The following ZNF16 variants were observed in gnomAD, a reference collection of about 807,000 sequenced individuals.
The protein encoded by ZNF16 is zinc finger protein KOX9.
A neutral mutation model predicts 9.0 loss-of-function variants in ZNF16; 7 were observed. The observed-to-expected ratio is 0.78, with a 90% CI of 0.44 to 1.47. The LOEUF is 1.47. ZNF16 is among the 40% of genes most tolerant of loss of function. The pLI is 0.01. For missense variants in ZNF16, 830 were observed against 854.2 expected, an observed-to-expected ratio of 0.97 and a Z score of 0.35; for synonymous variants, 312 against 301.5, an observed-to-expected ratio of 1.03 and a Z score of -0.36.
chr8:144,936,537 C>T (rs918677397), intron 2 of ZNF16, among the ~76,000 whole-genome samples: 3 of 152,158 alleles, frequency 2.0e-5, no homozygotes, highest in Non-Finnish European at 4.4e-5. Context: ...AGTTTCTCCA[C>T]ATCCTCTTTT....
chr8:144,947,148 TCTGTGGGCCTGTACCCTG>T (rs1833975640), intron 1 of ZNF16, among the ~76,000 whole-genome samples: 4 of 119,316 alleles, frequency 3.4e-5, no homozygotes, highest in Admixed American at 8.1e-5. Flanking sequence ...GCCATACCCT[TCTGTGGGCCTGTACCCTG>T]CTGTGGGCCT....
chr8:144,936,732 T>C (rs1470125629), intron 2 of ZNF16, among the ~76,000 whole-genome samples: 5 of 152,054 alleles, frequency 3.3e-5, no homozygotes, highest in Non-Finnish European at 7.4e-5. Flanking sequence ...TATTTATTTA[T>C]TTATTTATTT....
chr8:144,937,636 T>A (rs987338638), intron 2 of ZNF16, among the ~76,000 whole-genome samples: 6 of 152,174 alleles, frequency 3.9e-5, no homozygotes, highest in Non-Finnish European at 8.8e-5. Flanking sequence ...AGCTTGTTGA[T>A]CTATTTGGAG....
chr8:144,939,767 T>C (rs1833760312), intron 2 of ZNF16, among the ~76,000 whole-genome samples: 1 of 152,250 alleles, frequency 6.6e-6, no homozygotes, highest in Non-Finnish European at 1.5e-5. Flanking sequence ...TCATCTGGGT[T>C]ATCTAATTTG....
chr8:144,938,952 T>C (rs1833742314), intron 2 of ZNF16, among the ~76,000 whole-genome samples: 2 of 151,870 alleles, frequency 1.3e-5, no homozygotes, highest in Non-Finnish European at 2.9e-5. Flanking sequence ...ACTGTGAAAG[T>C]GTTAGATTTT....
At chr8:144,935,751 C>A (rs1034911897) in intron 2 of ZNF16, among the ~76,000 whole-genome samples, 1 of 152,178 alleles carries the variant, frequency 6.6e-6, no homozygotes, top group South Asian at 2.1e-4. Context: ...AAGTCATAAA[C>A]CATGCTTGTG....
chr8:144,941,976 ATTT>A (rs1000299480), intron 2 of ZNF16, among the ~76,000 whole-genome samples: 6 of 92,032 alleles, frequency 6.5e-5, no homozygotes, highest in Admixed American at 2.5e-4. Flanking sequence ...CATTTTTAAG[ATTT>A]TTTTTTTTTT....
At position 144,946,165 on chromosome 8, in the gene ZNF16, C is replaced by G; in HGVS notation, c.42G>C (p.Glu14Asp). 1 of 1,552,544 alleles carries G rather than the reference C, an allele frequency of 6.4e-7. No homozygotes were observed. Among genetic ancestry groups the G allele is most frequent in the Non-Finnish European group, 8.7e-7 (1 of 1,143,212 alleles). ...LRTRREEAEMELSVPGPSPWT... is the reference protein window; with the variant it reads ...LRTRREEAEMDLSVPGPSPWT... ...AGGGGGATGGTCCTGGAACTGAGAG[C>G]TCCATCTCTGCCTCCTCACGGCGAG... The change falls in exon 2 of 3, where the codon GAG becomes GAC. Residue 14 changes from glutamate (E) to aspartate (D), a missense_variant. By Grantham distance (45) the Glu-to-Asp change is conservative. Coordinates refer to ENST00000394909, the MANE Select transcript of ZNF16 (RefSeq NM_006958.3).
At position 144,930,757 on chromosome 8, in the gene ZNF16, A is replaced by C. The variant is rs1283696372; in HGVS notation, c.2030T>G (p.Leu677Trp). ...SQRSKLIKHQ[L>W]IHTRE is the part of the protein sequence containing the mutation. ...AACAGCCTATTCCCTGGTGTGAATCAACTGGTGTTTGATCAACTTTGATCG... is the reference window on the plus strand; with the variant it reads ...AACAGCCTATTCCCTGGTGTGAATCCACTGGTGTTTGATCAACTTTGATCG... The change falls in exon 3 of 3, where the codon TTG (leucine) becomes TGG (tryptophan). Residue 677 changes from leucine to tryptophan, a missense_variant. Coordinates refer to ENST00000394909, the MANE Select transcript of ZNF16 (RefSeq NM_006958.3). 1 of 1,530,332 alleles carries C rather than the reference A, an allele frequency of 6.5e-7. No individual in the cohort carries two copies. The highest frequency in any genetic ancestry group is 8.8e-7 in the Non-Finnish European group (1 of 1,141,494). 94.8% of individuals were successfully genotyped at this position (1,530,332 alleles called of 1,614,324 possible). A position where few individuals can be genotyped will look rare whatever the true frequency, so the allele number is the denominator to read the frequency against.
chr8:144,950,196 T>C (rs1419105681), intron 1 of ZNF16, among the ~76,000 whole-genome samples: 93 of 149,924 alleles, frequency 6.2e-4, no homozygotes, highest in Admixed American at 6.1e-3. Context: ...TCACATGCTT[T>C]TTTTTGCTGA....
intron 1 of ZNF16, among the ~76,000 whole-genome samples, chr8:144,946,890 G>A (rs1239575889): frequency 7.7e-6 from 1 of 130,052 alleles, no homozygotes; most frequent in African/African-American, 3.3e-5. Flanking sequence ...TGGGGCCTGT[G>A]TCCTGCTGTG....
rs139626568 is a variant in ZNF16, at chr8:144,931,278, G to A, written c.1509C>T (p.Ala503=). 7 of 1,614,124 alleles carry A rather than the reference G, an allele frequency of 4.3e-6. No individual in the cohort carries two copies. The African/African-American group carries it at 8.0e-5, about 18-fold the overall frequency. The part of the protein sequence containing the change: ...VCGKAFSHSS[A]LIQHQGVHTG... ...TGTGCACGCCCTGGTGCTGAATGAG[G>A]GCTGAGCTGTGGCTGAAGGCCTTCC... Residue 503 remains alanine (A), a synonymous_variant, in exon 3 of 3, where the codon GCC becomes GCT. Transcript: ENST00000394909.
At chr8:144,947,514 C>T (rs1278086227) in intron 1 of ZNF16, among the ~76,000 whole-genome samples, 3 of 152,156 alleles carry the variant, frequency 2.0e-5, no homozygotes, top group Admixed American at 2.0e-4. Flanking sequence ...GGGTGAACAG[C>T]CAGGGGCAGC....
chr8:144,947,285 GGCC>G (rs1833984411), intron 1 of ZNF16, among the ~76,000 whole-genome samples: 1 of 4,898 alleles, frequency 2.0e-4, no homozygotes, highest in East Asian at 9.4e-3. Flanking sequence ...CCTGCTGTGG[GGCC>G]TGTACCCTGC....
At chr8:144,937,403 T>G (rs781745451) in intron 2 of ZNF16, among the ~76,000 whole-genome samples, 10 of 152,278 alleles carry the variant, frequency 6.6e-5, no homozygotes, top group Non-Finnish European at 1.3e-4. Context: ...CCCAAAATGC[T>G]GGGTAACAGG....
intron 1 of ZNF16, among the ~76,000 whole-genome samples, chr8:144,950,083 T>C (rs1834064385): frequency 6.6e-6 from 1 of 152,208 alleles, no homozygotes; most frequent in African/African-American, 2.4e-5. Flanking sequence ...TGTTATTCTT[T>C]ACTCCACTGA....
Position 144,930,967 on chromosome 8 carries a change from C to T in ZNF16, c.1820G>A (p.Gly607Asp), listed in dbSNP as rs1225709093. Reference sequence around the variant, plus strand: ...GTGTGAGCTCTGGCTGAAGCCCTTACCACATTCAACACAGGTGTAGGGTTT... The same window carrying T: ...GTGTGAGCTCTGGCTGAAGCCCTTATCACATTCAACACAGGTGTAGGGTTT... Reference protein sequence around the residue: ...GEKPYTCVECGKGFSQSSHLI... With the variant: ...GEKPYTCVECDKGFSQSSHLI... The change falls in exon 3 of 3, where the codon GGT becomes GAT. Residue 607 changes from glycine (G) to aspartate (D), a missense_variant. Physicochemically the swap from Gly to Asp is moderately conservative, Grantham distance 94. Transcript: ENST00000394909. 2 of 1,614,094 alleles carry T rather than the reference C, an allele frequency of 1.2e-6. No homozygotes were observed. Among genetic ancestry groups the T allele is most frequent in the Admixed American group, 1.7e-5 (1 of 60,030 alleles).
intron 2 of ZNF16, among the ~76,000 whole-genome samples, chr8:144,941,451 A>G (rs1458912588): frequency 6.6e-6 from 1 of 152,110 alleles, no homozygotes; most frequent in Non-Finnish European, 1.5e-5. Context: ...CTCTTGTGGC[A>G]TATAGTTGGA....
In ZNF16 at chr8:144,931,231, C is replaced by T; in HGVS notation, c.1556G>A (p.Cys519Tyr). The change falls in exon 3 of 3, where the codon TGC becomes TAC. Residue 519 changes from cysteine (C) to tyrosine (Y), a missense_variant. By Grantham distance (194) the Cys-to-Tyr change is radical. Transcript: ENST00000394909. Reference sequence around the variant, plus strand: ...ACCAAAGGTCTTCCCACACTCGTGGCAGGCGTAGGGCTTGTCGCCTGTGTG... The same window carrying T: ...ACCAAAGGTCTTCCCACACTCGTGGTAGGCGTAGGGCTTGTCGCCTGTGTG... Reference protein sequence around the residue: ...GVHTGDKPYACHECGKTFGRS... With the variant: ...GVHTGDKPYAYHECGKTFGRS... 1.9e-6 allele frequency: 3 copies of T among 1,613,940 alleles called. No individual in the cohort carries two copies. Among genetic ancestry groups the T allele is most frequent in the Non-Finnish European group, 8.5e-7 (1 of 1,179,980 alleles).
Sources: gnomAD v4.1 joint callset for allele counts (sites outside exome capture counted in the v4.1 genomes callset) on GRCh38, gnomAD v4.1.1 for gene constraint, MANE v1.5 for transcripts, NCBI Gene and HGNC (gene_info 2026-07-23, HGNC 2026-07-21) for gene names.